The following ZNF831 variants were observed in gnomAD, a reference collection of about 807,000 sequenced individuals.
The protein encoded by ZNF831 is chromosome 20 open reading frame 174.
A neutral mutation model predicts 95.8 loss-of-function variants in ZNF831; 59 were observed. The ratio of observed to expected loss-of-function variants is 0.62; its 90% CI spans 0.50 to 0.77. The LOEUF (loss-of-function observed/expected upper bound fraction) is 0.77. ZNF831 is among the 30% of genes least tolerant of loss of function. The pLI is 0.00. For missense variants in ZNF831, 2,205 were observed against 2,164.0 expected (o/e 1.02, Z -0.38); for synonymous variants, 961 against 925.5 (o/e 1.04, Z -0.70).
intron 1 of ZNF831, among the ~76,000 whole-genome samples, chr20:59,127,961 G>A (rs923071054): frequency 2.6e-5 from 4 of 152,224 alleles, no homozygotes; most frequent in South Asian, 2.1e-4. Context: ...ACACTCCTTC[G>A]CTGTAGCCAG....
chr20:59,255,208 C>G lies in ZNF831; in HGVS notation c.*465C>G, dbSNP rs571018659. ...ATTTGCTTCCAAGGTGGAGAGCACACTTGGGATAATTGGAGTAGCTTGACA... is the reference window on the plus strand; with the variant it reads ...ATTTGCTTCCAAGGTGGAGAGCACAGTTGGGATAATTGGAGTAGCTTGACA... On this transcript the variant is annotated 3_prime_UTR_variant, in exon 6 of 6. Coordinates refer to ENST00000371030, the MANE Select transcript of ZNF831 (RefSeq NM_178457.3). 8.3e-4 allele frequency: 133 copies of G among 159,702 alleles called. 1 individual carries two copies. In the South Asian group the frequency reaches 8.5e-3, roughly 10 times the overall value. 9.9% of individuals were successfully genotyped at this position (159,702 alleles called of 1,614,324 possible).
At chr20:59,228,635 A>G (rs1159764565) in intron 4 of ZNF831, among the ~76,000 whole-genome samples, 1 of 152,032 alleles carries the variant, frequency 6.6e-6, no homozygotes, top group Admixed American at 6.6e-5. Flanking sequence ...CAGAGAGAGG[A>G]GAGAGAGAGG....
In ZNF831 at chr20:59,191,090, C is replaced by G. The variant is rs1277785848; in HGVS notation, c.71C>G (p.Pro24Arg). 3.2e-6 allele frequency: 5 copies of G among 1,546,628 alleles called. No homozygotes were observed. Among genetic ancestry groups the G allele is most frequent in the Non-Finnish European group, 4.3e-6 (5 of 1,154,158 alleles). The change falls in exon 2 of 6, where the codon CCA becomes CGA. Residue 24 changes from proline to arginine, a missense_variant. By Grantham distance (103) the Pro-to-Arg change is moderately radical (BLOSUM62 -2). Transcript: ENST00000371030. Reference sequence around the variant, plus strand: ...CAGCCAGCTCCCACTCCTGGCCCTCCAGGGGCCCCAGGTGGCCAGGCCTCA... The same window carrying G: ...CAGCCAGCTCCCACTCCTGGCCCTCGAGGGGCCCCAGGTGGCCAGGCCTCA... The part of the protein sequence containing the change: ...RDQPAPTPGP[P>R]GAPGGQASPH...
chr20:59,140,483 C>T (rs1979644343), intron 1 of ZNF831, among the ~76,000 whole-genome samples: 1 of 141,338 alleles, frequency 7.1e-6, no homozygotes, highest in African/African-American at 3.1e-5. Context: ...TCATAAATCA[C>T]CTGACTACTA....
At chr20:59,185,592 C>T (rs1982956489) in intron 1 of ZNF831, among the ~76,000 whole-genome samples, 1 of 152,146 alleles carries the variant, frequency 6.6e-6, no homozygotes, top group Admixed American at 6.5e-5. Context: ...CCAGTCACTT[C>T]AGGGCCTTTC....
At chr20:59,232,903 C>T (rs902663944) in intron 4 of ZNF831, among the ~76,000 whole-genome samples, 4 of 151,904 alleles carry the variant, frequency 2.6e-5, no homozygotes, top group South Asian at 2.1e-4. Context: ...ATCCTAAACT[C>T]GGTGCTTGTA....
intron 4 of ZNF831, among the ~76,000 whole-genome samples, chr20:59,228,398 A>AG (rs1986544208): frequency 6.6e-6 from 1 of 150,782 alleles, no homozygotes; most frequent in Non-Finnish European, 1.5e-5. Context: ...TTGGCTGCTG[A>AG]CAGCCAACTA....
At chr20:59,134,977 C>A (rs545925573) in intron 1 of ZNF831, among the ~76,000 whole-genome samples, 3 of 152,072 alleles carry the variant, frequency 2.0e-5, no homozygotes, top group Non-Finnish European at 2.9e-5. Context: ...GGAAAAAAAA[C>A]CATCTGCATG....
At chr20:59,146,496 G>A (rs1422157916) in intron 2 of ZNF831, 1 of 152,284 alleles carries the variant, frequency 6.6e-6, no homozygotes, top group African/African-American at 2.4e-5. Context: ...AGGCAAGCAT[G>A]ATGGATGATT....
intron 1 of ZNF831, among the ~76,000 whole-genome samples, chr20:59,181,347 C>T (rs1982602618): frequency 6.6e-6 from 1 of 152,176 alleles, no homozygotes; most frequent in South Asian, 2.1e-4. Flanking sequence ...ATGATAGCTT[C>T]TGTTGTTGTG....
At chr20:59,164,506 T>C (rs577053458) in intron 1 of ZNF831, among the ~76,000 whole-genome samples, 81 of 152,352 alleles carry the variant, frequency 5.3e-4, no homozygotes, top group Non-Finnish European at 9.1e-4. Flanking sequence ...CTGTTTTTTT[T>C]CCCAGTGATG....
chr20:59,217,139 G>C lies in ZNF831; in HGVS notation c.4027+10083G>C, dbSNP rs1985740223. 6.6e-6 allele frequency among the ~76,000 whole-genome samples: 1 copy of C among 150,672 alleles called. No individual in the cohort carries two copies. The highest frequency in any genetic ancestry group is 2.1e-4 in the South Asian group (1 of 4,790). On this transcript the variant is annotated intron_variant, in intron 4 of 5. Coordinates refer to ENST00000371030, the MANE Select transcript of ZNF831 (RefSeq NM_178457.3). The surrounding 1 kb of genome is among the most constrained non-coding windows in gnomAD (Gnocchi z 4.4). The stretch of plus-strand genomic sequence containing the variant: ...GTAAAATGACAGTTTGGAGTCTGGA[G>C]TACATCTGACAGATCTTCATCTCTG...
In ZNF831 at chr20:59,253,110, T is replaced by C. The variant is rs1373389643; in HGVS notation, c.4160T>C (p.Val1387Ala). ...TCTCTTGGTACAAGTTCAAGAATTG[T>C]CAGGGAAATGGACAAACGAACTGTG... ...TLSLGTSSRI[V>A]REMDKRTVKD... The change falls in exon 5 of 6, where the codon GTC becomes GCC. Residue 1387 changes from valine (V) to alanine (A), a missense_variant. Physicochemically the swap from Val to Ala is moderately conservative, Grantham distance 64 (BLOSUM62 0). Transcript: ENST00000371030. The C allele has an allele frequency of 6.2e-7, 1 of 1,614,078 alleles. No homozygotes were observed. The highest frequency in any genetic ancestry group is 2.2e-5 in the East Asian group (1 of 44,868).
intron 1 of ZNF831, among the ~76,000 whole-genome samples, chr20:59,132,399 C>T (rs1012991820): frequency 2.7e-4 from 41 of 150,518 alleles, no homozygotes; most frequent in African/African-American, 8.8e-4. Context: ...GACGATTAAT[C>T]GCTGTGCCCA....
chr20:59,239,670 G>A (rs1987207981), intron 4 of ZNF831, among the ~76,000 whole-genome samples: 1 of 150,446 alleles, frequency 6.6e-6, no homozygotes, highest in African/African-American at 2.5e-5. Context: ...TCAGCCTCCC[G>A]AGTAGCTGGG....
chr20:59,251,746 G>C (rs1391624488), intron 4 of ZNF831, among the ~76,000 whole-genome samples: 1 of 152,192 alleles, frequency 6.6e-6, no homozygotes, highest in Non-Finnish European at 1.5e-5. Flanking sequence ...AATTGGAGAG[G>C]TGGTTGGAAA....
chr20:59,131,661 A>T (rs1448911542), intron 1 of ZNF831, among the ~76,000 whole-genome samples: 1 of 152,176 alleles, frequency 6.6e-6, no homozygotes, highest in Non-Finnish European at 1.5e-5. Context: ...CCTGGGCTAG[A>T]GCAAGGAGGC....
chr20:59,187,611 A>G (rs1438396451), intron 1 of ZNF831, among the ~76,000 whole-genome samples: 3 of 152,238 alleles, frequency 2.0e-5, no homozygotes, highest in Non-Finnish European at 1.5e-5. Flanking sequence ...TTAAAAAAAA[A>G]ATTGAGACAG....
chr20:59,210,205 T>A (rs1163324251), intron 4 of ZNF831, among the ~76,000 whole-genome samples: 5 of 152,176 alleles, frequency 3.3e-5, no homozygotes. Flanking sequence ...AAAGTTCTAT[T>A]ATAAACCTAA....
Sources: allele counts gnomAD v4.1 joint callset (sites outside exome capture counted in the v4.1 genomes callset), GRCh38; gene constraint gnomAD v4.1.1; non-coding constraint Gnocchi (gnomAD v3.1); transcripts MANE v1.5; gene names NCBI Gene and HGNC (gene_info 2026-07-23, HGNC 2026-07-21).